ACY3: variants seen among roughly 807,000 people sequenced by gnomAD.
ACY3 encodes aminoacylase 3, also known as N-acyl-aromatic-L-amino acid amidohydrolase (carboxylate-forming).
ACY3 carries 20 observed loss-of-function variants against 24.6 expected under a neutral mutation model. The ratio of observed to expected loss-of-function variants is 0.81; its 90% CI spans 0.57 to 1.18. The LOEUF (loss-of-function observed/expected upper bound fraction) is 1.18. ACY3 is among the 50% of genes most tolerant of loss of function. The pLI is 0.00. For missense variants in ACY3, 423 were observed against 426.8 expected, an observed-to-expected ratio of 0.99 and a Z score of 0.08; for synonymous variants, 174 against 188.4, an observed-to-expected ratio of 0.92 and a Z score of 0.62.
At chr11:67,649,489 G>C (rs1032371288) in intron 1 of ACY3, among the ~76,000 whole-genome samples, 8 of 152,266 alleles carry the variant, frequency 5.3e-5, no homozygotes, top group Non-Finnish European at 8.8e-5. Context: ...ACGGGGTCCA[G>C]GAACCCTCAG....
At position 67,642,610 on chromosome 11, in the gene ACY3, C is replaced by T; in HGVS notation, c.*114G>A. The T allele has an allele frequency of 8.7e-7, 1 of 1,143,986 alleles. No individual in the cohort carries two copies. The highest frequency in any genetic ancestry group is 1.3e-6 in the Non-Finnish European group (1 of 766,720). 70.9% of individuals were successfully genotyped at this position (1,143,986 alleles called of 1,614,324 possible). On this transcript the variant is annotated 3_prime_UTR_variant, in exon 8 of 8. Transcript: ENST00000255082. ...AATTGAGGCCAGGGGTTGGGGAGGC[C>T]TGGCAAGGAACATGGTGCATGGTAG...
chr11:67,645,248 C>G (rs749859855), intron 5 of ACY3, 39 bp downstream of exon 5: 1 of 1,611,770 alleles, frequency 6.2e-7, no homozygotes. Flanking sequence ...CCCTCCAGCC[C>G]TCCTGGCCCC....
At chr11:67,642,960 C>T in intron 7 of ACY3, 21 bp from the exon 8 acceptor site, 1 of 1,607,828 alleles carries the variant, frequency 6.2e-7, no homozygotes, top group South Asian at 1.1e-5. Context: ...AGCCAAAGGC[C>T]AAGATTGCTG....
intron 1 of ACY3, among the ~76,000 whole-genome samples, chr11:67,649,058 AT>A (rs1855568230): frequency 6.6e-6 from 1 of 152,132 alleles, no homozygotes; most frequent in Non-Finnish European, 1.5e-5. Context: ...CACCGGCTCC[AT>A]TTTGCAGGTG....
At position 67,642,583 on chromosome 11, in the gene ACY3, G is replaced by A. The variant is rs917661675; in HGVS notation, c.*141C>T. 1 of 817,612 alleles carries A rather than the reference G, an allele frequency of 1.2e-6. No individual in the cohort carries two copies. The highest frequency in any genetic ancestry group is 2.0e-6 in the Non-Finnish European group (1 of 492,832). The allele number at this position is 817,612 out of a possible 1,614,324, so 50.6% of individuals were successfully genotyped here. A position where few individuals can be genotyped will look rare whatever the true frequency, so the allele number is the denominator to read the frequency against. ...GGACATCTTCCATTTTATAGAAAGG[G>A]AAATTGAGGCCAGGGGTTGGGGAGG... On this transcript the variant is annotated 3_prime_UTR_variant, in exon 8 of 8. Transcript: ENST00000255082.
intron 1 of ACY3, among the ~76,000 whole-genome samples, chr11:67,648,912 G>C: frequency 6.6e-6 from 1 of 152,132 alleles, no homozygotes; most frequent in East Asian, 1.9e-4. Context: ...AGTGGGCCGG[G>C]GCTCCCTATG....
intron 7 of ACY3, among the ~76,000 whole-genome samples, chr11:67,644,133 G>C (rs377713034): frequency 6.6e-6 from 1 of 152,116 alleles, no homozygotes; most frequent in Non-Finnish European, 1.5e-5. Context: ...GGACGGGATG[G>C]TGCTGCCTCC....
intron 1 of ACY3, among the ~76,000 whole-genome samples, chr11:67,648,683 G>A (rs1855561095): frequency 6.6e-6 from 1 of 152,030 alleles, no homozygotes; most frequent in African/African-American, 2.4e-5. Context: ...GGGGCTCTGG[G>A]TGGCCAGGAC....
chr11:67,645,501 C>T (rs1855497514), intron 4 of ACY3, 121 bp from the exon 5 acceptor site: 1 of 1,269,758 alleles, frequency 7.9e-7, no homozygotes, highest in Non-Finnish European at 1.1e-6. Context: ...TCCCTCTACC[C>T]TCTGGCAGGG....
At position 67,642,904 on chromosome 11, in the gene ACY3, G is replaced by A. The variant is rs1157939625; in HGVS notation, c.780C>T (p.Pro260=). The A allele has an allele frequency of 6.2e-7, 1 of 1,613,982 alleles. No homozygotes were observed. The highest frequency in any genetic ancestry group is 8.5e-7 in the Non-Finnish European group (1 of 1,180,038). ...CCTCCCCACTGAACATCTGGAAGATGGGAGCACCAGGCTGCAGTGGCTGGA... is the reference window on the plus strand; with the variant it reads ...CCTCCCCACTGAACATCTGGAAGATAGGAGCACCAGGCTGCAGTGGCTGGA... ...RDFQPLQPGA[P]IFQMFSGEDL... Residue 260 remains proline (P), a synonymous_variant, in exon 8 of 8, where the codon CCC becomes CCT. Transcript: ENST00000255082.
At chr11:67,644,555 G>A (rs1464103951) in intron 7 of ACY3, among the ~76,000 whole-genome samples, 1 of 152,194 alleles carries the variant, frequency 6.6e-6, no homozygotes, top group Non-Finnish European at 1.5e-5. Flanking sequence ...CCTGAGTGTG[G>A]GGTTCCAGGG....
In ACY3 at chr11:67,642,877, G is replaced by T. The variant is rs371660515; in HGVS notation, c.807C>A (p.Asp269Glu). 1 of 1,614,054 alleles carries T rather than the reference G, an allele frequency of 6.2e-7. No homozygotes were observed. The highest frequency in any genetic ancestry group is 8.5e-7 in the Non-Finnish European group (1 of 1,180,034). The stretch of plus-strand genomic sequence containing the variant: ...CCGTGGACTCTCCCTCATAGAGCAG[G>T]TCCTCCCCACTGAACATCTGGAAGA... ...APIFQMFSGE[D>E]LLYEGESTVY... The change falls in exon 8 of 8, where the codon GAC becomes GAA. Residue 269 changes from aspartate (D) to glutamate (E), a missense_variant. Transcript: ENST00000255082.
Position 67,645,701 on chromosome 11 carries a change from G to A in ACY3, c.423C>T (p.Arg141=). ...SHEVFAMHLC[R]HLQLQYPELS... ...TTGGGGCCGGGGCCACCTGCAGATG[G>A]CGGCACAGGTGCATGGCAAAGACTT... is the stretch of plus-strand genomic sequence containing the variant. Residue 141 remains arginine, a synonymous_variant, in exon 4 of 8, where the codon CGC becomes CGT. Coordinates refer to ENST00000255082, the MANE Select transcript of ACY3 (RefSeq NM_080658.2). 6.2e-7 allele frequency: 1 copy of A among 1,603,806 alleles called. No individual in the cohort carries two copies. The highest frequency in any genetic ancestry group is 8.5e-7 in the Non-Finnish European group (1 of 1,175,186).
intron 1 of ACY3, among the ~76,000 whole-genome samples, chr11:67,650,296 A>G (rs771086431): frequency 6.6e-6 from 1 of 152,164 alleles, no homozygotes; most frequent in Non-Finnish European, 1.5e-5. Context: ...GCAAGATGCA[A>G]TCAGATCACG....
rs367920967 is a variant in ACY3, at chr11:67,649,825, CAT to C, written c.-95+756_-95+757del. ...AGAGTATTGTGTGCATGTGTGCATG[CAT>C]GTGTGTGTACATGTGTGCGTGTGTG... is the stretch of plus-strand genomic sequence containing the variant. On this transcript the variant is annotated intron_variant, in intron 1 of 7. Coordinates refer to ENST00000255082, the MANE Select transcript of ACY3 (RefSeq NM_080658.2). Among the ~76,000 whole-genome samples the C allele has an allele frequency of 3.1e-4, 45 of 144,106 alleles. 1 individual carries two copies. The highest frequency in any genetic ancestry group is 1.0e-3 in the African/African-American group (41 of 39,122). 94.5% of individuals were successfully genotyped at this position (144,106 alleles called of 152,430 possible).
chr11:67,643,597 G>T (rs905134253), intron 7 of ACY3, among the ~76,000 whole-genome samples: 1 of 152,124 alleles, frequency 6.6e-6, no homozygotes, highest in Non-Finnish European at 1.5e-5. Context: ...AGAATCGCTT[G>T]AACTCAGGAG....
At chr11:67,642,972 G>A (rs1378153619) in intron 7 of ACY3, 33 bp from the exon 8 acceptor site, 2 of 1,596,496 alleles carry the variant, frequency 1.3e-6, no homozygotes, top group South Asian at 2.2e-5. Context: ...AGATTGCTGG[G>A]GCCACCTCTG....
chr11:67,643,238 C>G (rs945471642), intron 7 of ACY3, among the ~76,000 whole-genome samples: 1 of 152,232 alleles, frequency 6.6e-6, no homozygotes, highest in Non-Finnish European at 1.5e-5. Context: ...TAACTGTGAG[C>G]AAGTCACTTA....
In ACY3 at chr11:67,645,339, C is replaced by T; in HGVS notation, c.474G>A (p.Gln158=). Residue 158 remains glutamine (Q), a synonymous_variant, in exon 5 of 8, where the codon CAG becomes CAA. Transcript: ENST00000255082. The part of the protein sequence containing the change: ...PELSCQVFLY[Q]RSGEESYNLD... The stretch of plus-strand genomic sequence containing the variant: ...GGTTGTAGCTCTCCTCCCCAGACCG[C>T]TGGTACAGGAAGACCTGGCAGGACA... 6.2e-7 allele frequency: 1 copy of T among 1,613,760 alleles called. No individual in the cohort carries two copies. Among genetic ancestry groups the T allele is most frequent in the South Asian group, 1.1e-5 (1 of 91,058 alleles).
Sources: gnomAD v4.1 joint callset for allele counts (sites outside exome capture counted in the v4.1 genomes callset) on GRCh38, gnomAD v4.1.1 for gene constraint, MANE v1.5 for transcripts, NCBI Gene and HGNC (gene_info 2026-07-23, HGNC 2026-07-21) for gene names.